RBM26: variants seen among roughly 807,000 people sequenced by gnomAD.
RBM26 encodes the protein RNA binding motif protein 26.
Under a neutral mutation model 123.6 loss-of-function variants are expected in RBM26, and 30 were observed. The observed-to-expected ratio is 0.24, with a 90% CI of 0.18 to 0.33. RBM26 has a LOEUF of 0.33. Among genes scored for constraint, RBM26 ranks in the 10% least tolerant of loss-of-function variants. The pLI, the probability that RBM26 is intolerant of heterozygous loss-of-function variation, is 1.00. For missense variants in RBM26, 947 were observed against 1,203.6 expected (o/e 0.79, Z 3.15); for synonymous variants, 400 against 404.4 (o/e 0.99, Z 0.13).
At chr13:79,328,150 A>T (rs1276767312) in intron 20 of RBM26, among the ~76,000 whole-genome samples, 1 of 152,110 alleles carries the variant, frequency 6.6e-6, no homozygotes, top group Non-Finnish European at 1.5e-5. Context: ...AAAAGTTTAC[A>T]TCGAAAATAA....
intron 19 of RBM26, among the ~76,000 whole-genome samples, chr13:79,335,189 A>G (rs1206866789): frequency 6.6e-6 from 1 of 152,078 alleles, no homozygotes; most frequent in Non-Finnish European, 1.5e-5. Context: ...CACACATATC[A>G]TAGAAATGTT....
At chr13:79,370,880 G>C in intron 5 of RBM26, 65 bp downstream of exon 5, 1 of 1,496,236 alleles carries the variant, frequency 6.7e-7, no homozygotes, top group Non-Finnish European at 9.2e-7. Context: ...AAAATGTTAA[G>C]CAATTTTTAA....
intron 20 of RBM26, 128 bp downstream of exon 20, chr13:79,334,216 C>T (rs1427111004): frequency 3.8e-5 from 21 of 545,720 alleles, no homozygotes; most frequent in Non-Finnish European, 3.2e-5. Flanking sequence ...ATGAATTCCA[C>T]TTCAGGTGTT....
At chr13:79,347,783 C>T (rs535786146) in intron 14 of RBM26, among the ~76,000 whole-genome samples, 5 of 149,084 alleles carry the variant, frequency 3.4e-5, no homozygotes, top group Non-Finnish European at 7.4e-5. Context: ...CTTAGTGCAC[C>T]CATGAGTCTC....
chr13:79,404,838 T>C (rs976785185), intron 1 of RBM26, among the ~76,000 whole-genome samples: 1 of 152,226 alleles, frequency 6.6e-6, no homozygotes, highest in African/African-American at 2.4e-5. Flanking sequence ...TCTGGATTTA[T>C]TTATGTCTTG....
At chr13:79,363,578 T>A (rs1050554853) in intron 9 of RBM26, among the ~76,000 whole-genome samples, 1 of 152,152 alleles carries the variant, frequency 6.6e-6, no homozygotes, top group South Asian at 2.1e-4. Context: ...AAATAATCAC[T>A]ATGTACAATA....
At chr13:79,380,113 A>G (rs542447473) in intron 1 of RBM26, among the ~76,000 whole-genome samples, 58 of 152,322 alleles carry the variant, frequency 3.8e-4, no homozygotes, top group African/African-American at 1.3e-3. Context: ...TTTATTCTAC[A>G]CATATACTCA....
chr13:79,360,505 A>C (rs994640388), intron 9 of RBM26, among the ~76,000 whole-genome samples: 2 of 152,030 alleles, frequency 1.3e-5, no homozygotes, highest in African/African-American at 4.8e-5. Flanking sequence ...ATATATATAT[A>C]TCAATGCACA....
intron 1 of RBM26, among the ~76,000 whole-genome samples, chr13:79,396,795 T>C (rs1442543374): frequency 6.6e-6 from 1 of 152,224 alleles, no homozygotes; most frequent in Non-Finnish European, 1.5e-5. Context: ...ACCTCAGGAA[T>C]ACAAGATTGG....
intron 1 of RBM26, among the ~76,000 whole-genome samples, chr13:79,397,667 C>A (rs374025409): frequency 4.5e-4 from 42 of 94,012 alleles, no homozygotes; most frequent in Admixed American, 2.7e-3. Flanking sequence ...GGGCAACAAA[C>A]CAGACTCCAT....
intron 6 of RBM26, among the ~76,000 whole-genome samples, chr13:79,367,218 C>T (rs1433833540): frequency 1.3e-5 from 2 of 151,128 alleles, no homozygotes; most frequent in Middle Eastern, 3.4e-3. Flanking sequence ...ACCAGCCTGA[C>T]GAACATGGTG....
At chr13:79,402,053 G>T (rs1455205644) in intron 1 of RBM26, among the ~76,000 whole-genome samples, 1 of 148,908 alleles carries the variant, frequency 6.7e-6, no homozygotes, top group East Asian at 1.9e-4. Flanking sequence ...ACTTTGATGT[G>T]TAAGTCCACC....
chr13:79,319,996 T>G lies in RBM26; in HGVS notation c.*625A>C. The G allele has an allele frequency of 2.5e-6, 1 of 403,850 alleles. No individual in the cohort carries two copies. Among genetic ancestry groups the G allele is most frequent in the East Asian group, 1.7e-4 (1 of 5,934 alleles). 25.0% of individuals were successfully genotyped at this position (403,850 alleles called of 1,614,324 possible). On this transcript the variant is annotated 3_prime_UTR_variant, in exon 22 of 22. Coordinates refer to ENST00000438737, the MANE Select transcript of RBM26 (RefSeq NM_001366735.2). ...GTCATTGCTTTTCTCTTTTCTTTCC[T>G]TTTTTTTTTTTAAAGAGACCATTCC...
In RBM26 at chr13:79,337,125, C is replaced by CTCT; in HGVS notation, c.2707_2709dup (p.Arg903dup). ...ACCGCAAAATGAGGAAGAAGATCTTCTCTATCGCTCTCCGTAAATGCAGAA... is the reference window on the plus strand; with the variant it reads ...ACCGCAAAATGAGGAAGAAGATCTTCTCTTCTATCGCTCTCCGTAAATGCAGAA... On this transcript the variant is annotated inframe_insertion, in exon 19 of 22. Coordinates refer to ENST00000438737, the MANE Select transcript of RBM26 (RefSeq NM_001366735.2). The CTCT allele has an allele frequency of 6.2e-7, 1 of 1,614,048 alleles. No individual in the cohort carries two copies. The highest frequency in any genetic ancestry group is 8.5e-7 in the Non-Finnish European group (1 of 1,179,980).
At chr13:79,329,119 T>G (rs2068893859) in intron 20 of RBM26, among the ~76,000 whole-genome samples, 1 of 151,854 alleles carries the variant, frequency 6.6e-6, no homozygotes. Context: ...GTGAGAAAGG[T>G]GGAAAAATGT....
At chr13:79,396,096 A>G (rs1220525443) in intron 1 of RBM26, among the ~76,000 whole-genome samples, 1 of 152,338 alleles carries the variant, frequency 6.6e-6, no homozygotes, top group African/African-American at 2.4e-5. Flanking sequence ...AAAGGGGGAA[A>G]ACAGACACAT....
rs11313343 is a variant in RBM26 at position 79,354,282 on chromosome 13, T to TA, written c.1986+156dup. ...AAAATGTTATGGTAATGGTAAAAAT[T>TA]AAAAAAAAAAAAACAACCTTATAGG... On this transcript the variant is annotated intron_variant, in intron 13 of 21. Transcript: ENST00000438737. 2.9e-3 allele frequency among the ~76,000 whole-genome samples: 404 copies of TA among 138,850 alleles called. 3 individuals carry two copies. The highest frequency in any genetic ancestry group is 0.025 in the East Asian group (123 of 4,856). The allele number at this position is 138,850 out of a possible 152,430, so 91.1% of individuals were successfully genotyped here. A position where few individuals can be genotyped will look rare whatever the true frequency, so the allele number is the denominator to read the frequency against.
chr13:79,333,066 A>C (rs1234002029), intron 20 of RBM26, among the ~76,000 whole-genome samples: 1 of 152,178 alleles, frequency 6.6e-6, no homozygotes, highest in Non-Finnish European at 1.5e-5. Flanking sequence ...AAAAATTATC[A>C]ACTGAAGCCA....
intron 7 of RBM26, 106 bp from the exon 8 acceptor site, chr13:79,366,301 A>C: frequency 5.0e-6 from 6 of 1,205,174 alleles, no homozygotes; most frequent in Non-Finnish European, 5.8e-6. Context: ...TAATATCTAC[A>C]AACACCAAGC....
Sources: gnomAD v4.1 joint callset for allele counts (sites outside exome capture counted in the v4.1 genomes callset) on GRCh38, gnomAD v4.1.1 for gene constraint, MANE v1.5 for transcripts, NCBI Gene and HGNC (gene_info 2026-07-23, HGNC 2026-07-21) for gene names.